The following NREP variants were observed in gnomAD, a reference collection of about 807,000 sequenced individuals.
NREP encodes neuronal regeneration-related protein.
NREP carries 5 observed loss-of-function variants against 8.6 expected under a neutral mutation model. The observed-to-expected ratio is 0.58, with a 90% CI of 0.30 to 1.22. The LOEUF is 1.22. Among genes scored for constraint, NREP ranks in the 50% most tolerant of loss-of-function variants. The probability of loss-of-function intolerance (pLI) is 0.07; values close to 1 mark genes in which losing one functional copy is unlikely to be tolerated. For synonymous variants in NREP, 27 were observed against 28.0 expected (o/e 0.96, Z 0.11); for missense variants, 86 against 82.5 (o/e 1.04, Z -0.17).
intron 2 of NREP, among the ~76,000 whole-genome samples, chr5:111,793,427 C>G (rs183197784): frequency 1.3e-5 from 2 of 151,968 alleles, no homozygotes; most frequent in East Asian, 1.9e-4. Flanking sequence ...CTCCAATAAC[C>G]GAAGGCAGGA....
At chr5:111,910,972 C>T (rs1350434540) in intron 2 of NREP, among the ~76,000 whole-genome samples, 3 of 152,076 alleles carry the variant, frequency 2.0e-5, no homozygotes. Context: ...TCATACCTGG[C>T]AGAGAAGAGC....
At chr5:111,868,816 A>G (rs1581176099) in intron 2 of NREP, among the ~76,000 whole-genome samples, 1 of 151,426 alleles carries the variant, frequency 6.6e-6, no homozygotes, top group East Asian at 1.9e-4. Context: ...ACAAATTTGA[A>G]GCATCATCCA....
intron 2 of NREP, among the ~76,000 whole-genome samples, chr5:111,746,944 G>A (rs147083035): frequency 3.9e-5 from 6 of 152,096 alleles, no homozygotes; most frequent in Admixed American, 3.9e-4. Flanking sequence ...TGATGCAGAA[G>A]GCACTAGGTT....
chr5:111,758,169 G>C (rs1408512148), upstream of NREP: 1 of 985,458 alleles, frequency 1.0e-6, no homozygotes, highest in Non-Finnish European at 1.2e-6. Flanking sequence ...GGAAGCCCGG[G>C]GCGGGGAGCG....
At chr5:111,814,024 T>TGTATA (rs1297493199) in intron 2 of NREP, among the ~76,000 whole-genome samples, 5 of 152,064 alleles carry the variant, frequency 3.3e-5, no homozygotes, top group Non-Finnish European at 7.4e-5. Flanking sequence ...CTCAAACATT[T>TGTATA]GTATAGTTTA....
intron 2 of NREP, among the ~76,000 whole-genome samples, chr5:111,950,538 T>C (rs1756126540): frequency 6.6e-6 from 1 of 152,150 alleles, no homozygotes; most frequent in African/African-American, 2.4e-5. Flanking sequence ...AAGGCCAAAA[T>C]TGACAAATGG....
intron 2 of NREP, among the ~76,000 whole-genome samples, chr5:111,826,151 T>C (rs796812667): frequency 4.6e-5 from 7 of 152,164 alleles, no homozygotes; most frequent in African/African-American, 1.2e-4. Context: ...AGCTGAAGGA[T>C]TGTAAATCCA....
chr5:111,864,762 T>C (rs573587368), intron 2 of NREP, among the ~76,000 whole-genome samples: 19 of 152,088 alleles, frequency 1.2e-4, no homozygotes, highest in Non-Finnish European at 1.5e-5. Flanking sequence ...TTTTTGATAT[T>C]AGATCCATGG....
intron 2 of NREP, among the ~76,000 whole-genome samples, chr5:111,803,643 T>C (rs945352337): frequency 6.6e-6 from 1 of 152,174 alleles, no homozygotes; most frequent in Non-Finnish European, 1.5e-5. Context: ...CTATTAATGT[T>C]TATTATTGTC....
chr5:111,747,602 G>A (rs1750088420), intron 2 of NREP, among the ~76,000 whole-genome samples: 1 of 152,100 alleles, frequency 6.6e-6, no homozygotes, highest in Admixed American at 6.6e-5. Flanking sequence ...CTATTGGTGA[G>A]TCTTTGGCTT....
chr5:111,876,118 T>C (rs1330208023), intron 2 of NREP, among the ~76,000 whole-genome samples: 4 of 152,166 alleles, frequency 2.6e-5, no homozygotes. Context: ...ATTTCTTTCT[T>C]ATTGTCCCTG....
At chr5:111,840,097 A>G (rs543534727) in intron 2 of NREP, among the ~76,000 whole-genome samples, 19 of 152,248 alleles carry the variant, frequency 1.2e-4, no homozygotes, top group African/African-American at 4.1e-4. Context: ...TTAGCGATTT[A>G]GGTATAATGA....
At chr5:111,772,091 T>C (rs138258806) in intron 2 of NREP, among the ~76,000 whole-genome samples, 139 of 152,310 alleles carry the variant, frequency 9.1e-4, no homozygotes, top group African/African-American at 3.3e-3. Flanking sequence ...TGGAAGATTC[T>C]CCAAATTCCT....
intron 2 of NREP, among the ~76,000 whole-genome samples, chr5:111,862,637 T>C (rs961770344): frequency 6.6e-6 from 1 of 152,130 alleles, no homozygotes; most frequent in African/African-American, 2.4e-5. Flanking sequence ...AGATCAACTT[T>C]ATTTATCCTT....
At chr5:111,887,875 GACT>G (rs1241912351) in intron 2 of NREP, among the ~76,000 whole-genome samples, 1 of 152,176 alleles carries the variant, frequency 6.6e-6, no homozygotes, top group East Asian at 1.9e-4. Context: ...CCACCTAGTT[GACT>G]GGCCTAGAAA....
intron 2 of NREP, among the ~76,000 whole-genome samples, chr5:111,780,443 T>A (rs995821635): frequency 1.2e-4 from 18 of 152,132 alleles, no homozygotes; most frequent in Non-Finnish European, 2.2e-4. Context: ...GAAAGAGTCA[T>A]AGAGCTTTTT....
chr5:111,907,610 G>C (rs557155269), intron 2 of NREP, among the ~76,000 whole-genome samples: 13 of 152,068 alleles, frequency 8.5e-5, no homozygotes, highest in Non-Finnish European at 5.9e-5. Context: ...AATAATAATT[G>C]TTAAATGCCC....
At chr5:111,739,110 T>A (rs943752110) in intron 2 of NREP, 1 of 152,208 alleles carries the variant, frequency 6.6e-6, no homozygotes, top group Non-Finnish European at 1.5e-5. Context: ...CACAGTGTGC[T>A]TTTTAAGGGC....
At chr5:111,733,301 G>A (rs902518212) in intron 3 of NREP, 1 of 152,088 alleles carries the variant, frequency 6.6e-6, no homozygotes, top group African/African-American at 2.4e-5. Flanking sequence ...ATACAGACTG[G>A]ACCCTCATGA....
Sources: gnomAD v4.1 joint callset for allele counts (sites outside exome capture counted in the v4.1 genomes callset) on GRCh38, gnomAD v4.1.1 for gene constraint, MANE v1.5 for transcripts, NCBI Gene and HGNC (gene_info 2026-07-23, HGNC 2026-07-21) for gene names.